Variants in ACVR2A observed in about 807,000 individuals in gnomAD.
ACVR2A encodes the protein activin A receptor type 2A.
In ACVR2A, 7 loss-of-function variants were observed where a neutral mutation model predicts 61.4. The ratio of observed to expected loss-of-function variants is 0.11; its 90% CI spans 0.06 to 0.21. ACVR2A has a LOEUF of 0.21. Among genes scored for constraint, ACVR2A ranks in the 10% least tolerant of loss-of-function variants. The pLI is 1.00. For synonymous variants in ACVR2A, 193 were observed against 208.3 expected (o/e 0.93, Z 0.63); for missense variants, 322 against 621.7 (o/e 0.52, Z 5.13).
chr2:147,926,872 A>G (rs1014716906), intron 10 of ACVR2A, among the ~76,000 whole-genome samples: 2 of 151,790 alleles, frequency 1.3e-5, no homozygotes, highest in Non-Finnish European at 2.9e-5. Context: ...GAGTTAAAAA[A>G]ATTCCTCTTG....
intron 1 of ACVR2A, among the ~76,000 whole-genome samples, chr2:147,888,225 A>G (rs1046097872): frequency 1.3e-5 from 2 of 152,126 alleles, no homozygotes; most frequent in Non-Finnish European, 2.9e-5. Context: ...TTGCAGTTAC[A>G]TTTTAAGCCT....
chr2:147,858,294 T>G (rs1189482877), intron 1 of ACVR2A, among the ~76,000 whole-genome samples: 1 of 152,164 alleles, frequency 6.6e-6, no homozygotes, highest in Non-Finnish European at 1.5e-5. Flanking sequence ...ATAGGAAGGA[T>G]TGAAGGGAAC....
chr2:147,882,686 A>T (rs1404055297), intron 1 of ACVR2A, among the ~76,000 whole-genome samples: 1 of 152,182 alleles, frequency 6.6e-6, no homozygotes, highest in East Asian at 1.9e-4. Context: ...TTATATTTTT[A>T]GTTTATTCTG....
intron 8 of ACVR2A, among the ~76,000 whole-genome samples, chr2:147,921,889 T>C (rs1361251132): frequency 6.6e-6 from 1 of 152,172 alleles, no homozygotes; most frequent in Non-Finnish European, 1.5e-5. Flanking sequence ...TCCTTGACTT[T>C]AGATTTCATG....
chr2:147,845,160 C>T lies in ACVR2A; in HGVS notation c.8C>T (p.Ala3Val), dbSNP rs769549574. ...CCCCGGCGCCTCGGGAAAATGGGAG[C>T]TGCTGCAAAGTTGGCGTTTGCCGTC... MG[A>V]AAKLAFAVFL... is the part of the protein sequence containing the mutation. Residue 3 changes from alanine (A) to valine (V), a missense_variant, in exon 1 of 11, where the codon GCT becomes GTT. Transcript: ENST00000241416. 6.2e-7 allele frequency: 1 copy of T among 1,613,510 alleles called. No homozygotes were observed. The highest frequency in any genetic ancestry group is 2.2e-5 in the East Asian group (1 of 44,820).
At chr2:147,911,885 A>G (rs761246321) in intron 4 of ACVR2A, among the ~76,000 whole-genome samples, 1 of 152,022 alleles carries the variant, frequency 6.6e-6, no homozygotes, top group Admixed American at 6.6e-5. Context: ...GTTAATTTTT[A>G]TATGTCATTA....
chr2:147,902,267 C>G (rs974368215), intron 4 of ACVR2A, among the ~76,000 whole-genome samples: 4 of 151,924 alleles, frequency 2.6e-5, no homozygotes, highest in African/African-American at 9.7e-5. Flanking sequence ...TTACTTTCAT[C>G]TCACAGAGTT....
chr2:147,923,960 G>A lies in ACVR2A; in HGVS notation c.1216+849G>A, dbSNP rs887695203. Reference sequence around the variant, plus strand: ...GTACTGTAATAGGCTCTCGTTGTAGGACAGACTGCCACTGGAATATGAAAT... The same window carrying A: ...GTACTGTAATAGGCTCTCGTTGTAGAACAGACTGCCACTGGAATATGAAAT... On this transcript the variant is annotated intron_variant, in intron 9 of 10. Transcript: ENST00000241416. 2.6e-5 allele frequency among the ~76,000 whole-genome samples: 4 copies of A among 152,162 alleles called. No homozygotes were observed. In the South Asian group the frequency reaches 6.2e-4, roughly 24 times the overall value.
chr2:147,902,143 A>T (rs1428860636), intron 4 of ACVR2A, among the ~76,000 whole-genome samples: 2 of 152,010 alleles, frequency 1.3e-5, no homozygotes, highest in Non-Finnish European at 2.9e-5. Context: ...TTTGTTAAAA[A>T]ATACAAATTT....
At chr2:147,858,020 C>T (rs1442349811) in intron 1 of ACVR2A, among the ~76,000 whole-genome samples, 1 of 152,058 alleles carries the variant, frequency 6.6e-6, no homozygotes, top group Non-Finnish European at 1.5e-5. Context: ...GTGTCCATGT[C>T]TTCCCATCAT....
At chr2:147,910,287 GTATAGTGTCATCTT>G (rs1317373658) in intron 4 of ACVR2A, among the ~76,000 whole-genome samples, 4 of 152,058 alleles carry the variant, frequency 2.6e-5, no homozygotes, top group African/African-American at 7.2e-5. Flanking sequence ...CACAGTGCTA[GTATAGTGTCATCTT>G]TATAGTGTCA....
chr2:147,872,783 T>G (rs1173040799), intron 1 of ACVR2A, among the ~76,000 whole-genome samples: 1 of 151,850 alleles, frequency 6.6e-6, no homozygotes, highest in Non-Finnish European at 1.5e-5. Context: ...GTTTCCAGGA[T>G]TTTCTTTTTC....
chr2:147,856,283 C>T (rs1203407499), intron 1 of ACVR2A, among the ~76,000 whole-genome samples: 1 of 152,140 alleles, frequency 6.6e-6, no homozygotes, highest in African/African-American at 2.4e-5. Flanking sequence ...TTATTACACA[C>T]AGGTAAAACC....
intron 4 of ACVR2A, among the ~76,000 whole-genome samples, chr2:147,913,297 A>AT (rs1687164313): frequency 6.6e-6 from 1 of 151,936 alleles, no homozygotes. Flanking sequence ...CAGTGTACAT[A>AT]AAAGCTATTA....
intron 1 of ACVR2A, among the ~76,000 whole-genome samples, chr2:147,889,422 A>G (rs1206133528): frequency 6.6e-6 from 1 of 152,116 alleles, no homozygotes; most frequent in Non-Finnish European, 1.5e-5. Context: ...CCTCAGATAC[A>G]GTTGCTTGAG....
chr2:147,865,405 T>C (rs1685828478), intron 1 of ACVR2A, among the ~76,000 whole-genome samples: 1 of 152,290 alleles, frequency 6.6e-6, no homozygotes, highest in East Asian at 1.9e-4. Context: ...AGCATTCTTA[T>C]TATATTTGAT....
upstream of ACVR2A, chr2:147,844,975 C>CT (rs879026054): frequency 0.66 from 84,136 of 126,844 alleles, 25,873 homozygotes; most frequent in African/African-American, 0.78. Context: ...TCTTTTTTTT[C>CT]TTTTTTTTTT....
intron 1 of ACVR2A, among the ~76,000 whole-genome samples, chr2:147,870,753 G>A (rs1685992849): frequency 6.6e-6 from 1 of 151,916 alleles, no homozygotes; most frequent in South Asian, 2.1e-4. Flanking sequence ...CTTTTAATGA[G>A]TTTCCTTTTT....
At chr2:147,867,921 CT>C (rs1427110886) in intron 1 of ACVR2A, among the ~76,000 whole-genome samples, 1 of 152,168 alleles carries the variant, frequency 6.6e-6, no homozygotes, top group East Asian at 1.9e-4. Flanking sequence ...TGATTTTGTA[CT>C]TCCTGCAATT....
Sources: allele counts gnomAD v4.1 joint callset (sites outside exome capture counted in the v4.1 genomes callset), GRCh38; gene constraint gnomAD v4.1.1; transcripts MANE v1.5; gene names NCBI Gene and HGNC (gene_info 2026-07-23, HGNC 2026-07-21).